MARF1: variants seen among roughly 807,000 people sequenced by gnomAD.
The protein encoded by MARF1 is limkain-b1.
Under a neutral mutation model 168.2 loss-of-function variants are expected in MARF1, and 24 were observed. That is an observed-to-expected ratio of 0.14 (90% CI 0.10 to 0.20). The LOEUF (loss-of-function observed/expected upper bound fraction) is 0.20, where lower values mean the gene tolerates loss of function less well. Ranked by LOEUF, MARF1 falls within the 10% of genes least tolerant of loss-of-function variation. The probability of loss-of-function intolerance (pLI) is 1.00; values close to 1 mark genes in which losing one functional copy is unlikely to be tolerated. For missense variants in MARF1, 1,744 were observed against 2,143.6 expected (o/e 0.81, Z 3.68); for synonymous variants, 868 against 822.4 (o/e 1.06, Z -0.95).
Position 15,608,431 on chromosome 16 carries a change from G to A in MARF1, c.4042C>T (p.Arg1348Trp), listed in dbSNP as rs1416076158. 3.7e-6 allele frequency: 6 copies of A among 1,614,084 alleles called. No individual in the cohort carries two copies. The highest frequency in any genetic ancestry group is 1.7e-5 in the Admixed American group (1 of 60,012). The change falls in exon 21 of 27, where the codon CGG (arginine) becomes TGG (tryptophan). Residue 1348 changes from arginine to tryptophan, a missense_variant. Around this residue, in one of 7 missense-constraint regions of MARF1, gnomAD observed 543 missense variants for 742.1 expected, o/e 0.73. Transcript: ENST00000396368. ...ALAAQFVKLL[R>W]SQKDNCLMMT... ...ATAAGGCAGTTATCTTTTTGGGACC[G>A]AAGGAGTTTAACAAACTGGGCAGCT...
chr16:15,625,427 C>T lies in MARF1; in HGVS notation c.1898G>A (p.Gly633Glu), dbSNP rs2034777188. 1 of 1,613,240 alleles carries T rather than the reference C, an allele frequency of 6.2e-7. No individual in the cohort carries two copies. The highest frequency in any genetic ancestry group is 2.2e-5 in the East Asian group (1 of 44,874). The stretch of plus-strand genomic sequence containing the variant: ...AGCAGATCCAGAATTTGCCTGTGAC[C>T]CTTTTCCAGGCGTGGCTTTGGCACT... ...SSSAKATPGK[G>E]SQANSGSATK... The change falls in exon 8 of 27, where the codon GGG (glycine) becomes GAG (glutamate). Residue 633 changes from glycine to glutamate, a missense_variant. By Grantham distance (98) the Gly-to-Glu change is moderately conservative. Transcript: ENST00000396368.
In MARF1 at chr16:15,635,986, G is replaced by A. The variant is rs1246666410; in HGVS notation, c.501C>T (p.Asn167=). 1 of 1,614,164 alleles carries A rather than the reference G, an allele frequency of 6.2e-7. No homozygotes were observed. Among genetic ancestry groups the A allele is most frequent in the Admixed American group, 1.7e-5 (1 of 60,024 alleles). ...AGTCACTTGCAATGCCTGCCAAATT[G>A]TTCCTAGCTGAGGCATTCTGGAGTG... ...ASSLQNASAR[N]NLAGIASDFP... The change falls in exon 3 of 27, where the codon AAC becomes AAT. Residue 167 remains asparagine (N), a synonymous_variant. Coordinates refer to ENST00000396368, the MANE Select transcript of MARF1 (RefSeq NM_014647.4).
Position 15,635,883 on chromosome 16 carries a change from A to G in MARF1, c.604T>C (p.Cys202Arg), listed in dbSNP as rs745500105. The change falls in exon 3 of 27, where the codon TGT (cysteine) becomes CGT (arginine). Residue 202 changes from cysteine to arginine, a missense_variant. Around this residue, in one of 7 missense-constraint regions of MARF1, gnomAD observed 318 missense variants for 336.6 expected, o/e 0.94. Transcript: ENST00000396368. ...TGCAGCTTGTGCACATTACCATGACATGACTGGAAGTGGAGTTTTCCACAA... is the reference window on the plus strand; with the variant it reads ...TGCAGCTTGTGCACATTACCATGACGTGACTGGAAGTGGAGTTTTCCACAA... Reference protein sequence around the residue: ...PCCGKLHFQSCHGNVHKLHQF... With the variant: ...PCCGKLHFQSRHGNVHKLHQF... 2 of 1,614,174 alleles carry G rather than the reference A, an allele frequency of 1.2e-6. No individual in the cohort carries two copies. The highest frequency in any genetic ancestry group is 4.5e-5 in the East Asian group (2 of 44,880).
chr16:15,602,433 G>A (rs1018558980), intron 22 of MARF1: 6 of 605,950 alleles, frequency 9.9e-6, no homozygotes, highest in Admixed American at 3.4e-5. Context: ...AGACAAAGAC[G>A]ACGAGACAAA....
At chr16:15,605,285 G>T (rs1193618562) in intron 21 of MARF1, among the ~76,000 whole-genome samples, 1 of 152,180 alleles carries the variant, frequency 6.6e-6, no homozygotes, top group African/African-American at 2.4e-5. Context: ...AAAGGTCTTG[G>T]CAGGGCTAAG....
At chr16:15,623,747 C>T (rs1054127528) in intron 10 of MARF1, among the ~76,000 whole-genome samples, 2 of 152,126 alleles carry the variant, frequency 1.3e-5, no homozygotes, top group African/African-American at 4.8e-5. Context: ...TGTGCATTAT[C>T]CTTAGGAAAT....
At chr16:15,621,320 G>C (rs1026047875) in intron 12 of MARF1, among the ~76,000 whole-genome samples, 1 of 152,190 alleles carries the variant, frequency 6.6e-6, no homozygotes, top group African/African-American at 2.4e-5. Context: ...ATGGGGCTGA[G>C]TATCTATTTG....
At chr16:15,633,151 A>C (rs1039362027) in intron 5 of MARF1, among the ~76,000 whole-genome samples, 1 of 149,084 alleles carries the variant, frequency 6.7e-6, no homozygotes, top group Non-Finnish European at 1.5e-5. Flanking sequence ...ATTTTCAATC[A>C]GAATTCTAAA....
intron 1 of MARF1, 60 bp downstream of exon 1, chr16:15,642,958 C>T (rs1167676920): frequency 4.8e-6 from 1 of 208,870 alleles, no homozygotes; most frequent in African/African-American, 2.4e-5. Context: ...TCCGTCCCGC[C>T]CCGCTGGCCT....
intron 7 of MARF1, among the ~76,000 whole-genome samples, chr16:15,629,606 ACTCT>A (rs1298071192): frequency 6.6e-6 from 1 of 152,168 alleles, no homozygotes; most frequent in Non-Finnish European, 1.5e-5. Flanking sequence ...GGGATTGCCC[ACTCT>A]CCTGGATCAC....
At position 15,608,477 on chromosome 16, in the gene MARF1, C is replaced by T. The variant is rs2033219816; in HGVS notation, c.3996G>A (p.Glu1332=). 6.2e-7 allele frequency: 1 copy of T among 1,614,148 alleles called. No individual in the cohort carries two copies. Among genetic ancestry groups the T allele is most frequent in the Non-Finnish European group, 8.5e-7 (1 of 1,180,020 alleles). The change falls in exon 21 of 27, where the codon GAG becomes GAA. Residue 1332 remains glutamate (E), a synonymous_variant. Transcript: ENST00000396368. Reference sequence around the variant, plus strand: ...CAGCTAGAGCTTTGAACCGCTCCACCTCTGTCAGAGTAAGGATCTTTTCTT... The same window carrying T: ...CAGCTAGAGCTTTGAACCGCTCCACTTCTGTCAGAGTAAGGATCTTTTCTT... ...CGEEKILTLT[E]VERFKALAAQ... is the part of the protein sequence containing the mutation.
rs369369957 is a variant in MARF1, at chr16:15,636,052, C to G, written c.435G>C (p.Thr145=). The change falls in exon 3 of 27, where the codon ACG becomes ACC. Residue 145 remains threonine, a synonymous_variant. Transcript: ENST00000396368. The part of the protein sequence containing the change: ...LLDSQSTRTI[T]CQVGSGFAFQ... ...AAGCAAACCCTGACCCTACCTGACA[C>G]GTGATTGTCCTGGTGCTTTGCGAGT... 55 of 1,614,116 alleles carry G rather than the reference C, an allele frequency of 3.4e-5. No homozygotes were observed. In the South Asian group the frequency reaches 4.9e-4, roughly 14 times the overall value.
chr16:15,633,654 T>G lies in MARF1; in HGVS notation c.1196A>C (p.Glu399Ala), dbSNP rs1272090476. 1 of 1,613,172 alleles carries G rather than the reference T, an allele frequency of 6.2e-7. No individual in the cohort carries two copies. The highest frequency in any genetic ancestry group is 1.1e-5 in the South Asian group (1 of 90,546). Residue 399 changes from glutamate (E) to alanine (A), a missense_variant, in exon 5 of 27, where the codon GAA (glutamate) becomes GCA (alanine). Glu to Ala is a moderately radical substitution (Grantham distance 107, BLOSUM62 -1). Around this residue, in one of 7 missense-constraint regions of MARF1, gnomAD observed 217 missense variants for 372.4 expected, o/e 0.58. Coordinates refer to ENST00000396368, the MANE Select transcript of MARF1 (RefSeq NM_014647.4). ...EFICVCDISK[E>A]NKEVIQELNN... ...CAGCTCTTGAATAACTTCCTTGTTTTCTTTACTGATGTCACATACACAGAT... is the reference window on the plus strand; with the variant it reads ...CAGCTCTTGAATAACTTCCTTGTTTGCTTTACTGATGTCACATACACAGAT...
intron 1 of MARF1, among the ~76,000 whole-genome samples, chr16:15,639,999 C>CA (rs1361391839): frequency 1.3e-5 from 2 of 152,162 alleles, no homozygotes; most frequent in Admixed American, 1.3e-4. Flanking sequence ...AGTGAGACTT[C>CA]ACCTCCTCAC....
chr16:15,608,589 G>A (rs2033235089), intron 20 of MARF1, 71 bp from the exon 21 acceptor site: 1 of 1,081,392 alleles, frequency 9.2e-7, no homozygotes, highest in African/African-American at 1.6e-5. Flanking sequence ...AGCAAAAAAA[G>A]TATGCAGCTA....
At chr16:15,637,217 C>A (rs972635603) in intron 2 of MARF1, among the ~76,000 whole-genome samples, 1 of 152,126 alleles carries the variant, frequency 6.6e-6, no homozygotes, top group African/African-American at 2.4e-5. Context: ...AGATAGAGCA[C>A]ATAGACCACC....
At chr16:15,599,786 T>C (rs1163501478) in intron 25 of MARF1, among the ~76,000 whole-genome samples, 3 of 152,218 alleles carry the variant, frequency 2.0e-5, no homozygotes, top group Non-Finnish European at 2.9e-5. Context: ...TATCAAATCC[T>C]GCCTAGGGCT....
chr16:15,627,194 A>T (rs145394752), intron 7 of MARF1, among the ~76,000 whole-genome samples: 1,788 of 151,856 alleles, frequency 0.012, 39 homozygotes, highest in African/African-American at 0.042. Flanking sequence ...TCTATTAAAA[A>T]TTTTTAAAAA....
At chr16:15,620,374 G>A in intron 13 of MARF1, 77 bp downstream of exon 13, 1 of 789,352 alleles carries the variant, frequency 1.3e-6, no homozygotes, top group Non-Finnish European at 2.1e-6. Context: ...AGTTCCTCAA[G>A]AGTCATTACC....
Sources: gnomAD v4.1 joint callset for allele counts (sites outside exome capture counted in the v4.1 genomes callset) on GRCh38, gnomAD v4.1.1 for gene constraint, gnomAD v4.1.1 regional missense constraint, MANE v1.5 for transcripts, NCBI Gene and HGNC (gene_info 2026-07-23, HGNC 2026-07-21) for gene names.